Variants in SGTA observed in about 807,000 individuals in gnomAD.
SGTA encodes small glutamine rich tetratricopeptide repeat co-chaperone alpha.
Under a neutral mutation model 44.3 loss-of-function variants are expected in SGTA, and 22 were observed. The observed-to-expected ratio is 0.50, with a 90% CI of 0.36 to 0.71. The LOEUF (loss-of-function observed/expected upper bound fraction) is 0.71. Ranked by LOEUF, SGTA falls within the 30% of genes least tolerant of loss-of-function variation. The pLI, the probability that SGTA is intolerant of heterozygous loss-of-function variation, is 0.00. For synonymous variants in SGTA, 174 were observed against 177.6 expected (o/e 0.98, Z 0.16); for missense variants, 341 against 435.9 (o/e 0.78, Z 1.94).
At chr19:2,780,543 T>C (rs1490786552) in intron 1 of SGTA, among the ~76,000 whole-genome samples, 2 of 152,102 alleles carry the variant, frequency 1.3e-5, no homozygotes, top group Admixed American at 1.3e-4. Flanking sequence ...CAAACTCAAG[T>C]GCTCACCTCC....
rs113406295 is a variant in SGTA at position 2,761,759 on chromosome 19, A to G, written c.637-237T>C. Among the ~76,000 whole-genome samples, 16 of 144,284 alleles carry G rather than the reference A, an allele frequency of 1.1e-4. No individual in the cohort carries two copies. Among genetic ancestry groups the G allele is most frequent in the African/African-American group, 3.7e-4 (14 of 37,974 alleles). The allele number at this position is 144,284 out of a possible 152,430, so 94.7% of individuals were successfully genotyped here. A position where few individuals can be genotyped will look rare whatever the true frequency, so the allele number is the denominator to read the frequency against. Reference sequence around the variant, plus strand: ...CGACCGCCCGGGGACGGCACAGTCTATCATCCCGTGTTTATTCCCCGCACA... The same window carrying G: ...CGACCGCCCGGGGACGGCACAGTCTGTCATCCCGTGTTTATTCCCCGCACA... On this transcript the variant is annotated intron_variant, in intron 7 of 11. Transcript: ENST00000221566. The surrounding 1 kb of genome is among the most constrained non-coding windows in gnomAD (Gnocchi z 5.7).
intron 5 of SGTA, among the ~76,000 whole-genome samples, chr19:2,764,675 C>T (rs1915090304): frequency 6.6e-6 from 1 of 152,176 alleles, no homozygotes; most frequent in Non-Finnish European, 1.5e-5. Context: ...CAGGTTCAAA[C>T]CATCCTCATA....
Position 2,767,752 on chromosome 19 carries a change from G to C in SGTA, c.101-66C>G, listed in dbSNP as rs192923015. 335 of 1,284,538 alleles carry C rather than the reference G, an allele frequency of 2.6e-4. 3 individuals are homozygous for C. In the African/African-American group the frequency reaches 4.1e-3, roughly 16 times the overall value. 79.6% of individuals were successfully genotyped at this position (1,284,538 alleles called of 1,614,324 possible). A position where few individuals can be genotyped will look rare whatever the true frequency, so the allele number is the denominator to read the frequency against. ...CCCCGAGGTTACGTTTTTGGGTCTA[G>C]AGGGCGGGGTTGGTGCTCATGCTTC... On this transcript the variant is annotated intron_variant, in intron 2 of 11. Transcript: ENST00000221566. This position sits in a 1 kb window ranked among gnomAD's most constrained non-coding sequence, Gnocchi z 7.3.
In SGTA at chr19:2,768,993, A is replaced by T. The variant is rs775955288; in HGVS notation, c.76T>A (p.Ser26Thr). The T allele has an allele frequency of 1.9e-6, 3 of 1,613,686 alleles. No individual in the cohort carries two copies. The South Asian group carries it at 3.3e-5, about 18-fold the overall frequency. ...HDQLRHGGLS[S>T]DAQESLEVAI... ...CCTTCCAAGCTCTCCTGAGCATCGGACGAGAGGCCCCCGTGCCGGAGCTGG... is the reference window on the plus strand; with the variant it reads ...CCTTCCAAGCTCTCCTGAGCATCGGTCGAGAGGCCCCCGTGCCGGAGCTGG... Residue 26 changes from serine (S) to threonine (T), a missense_variant, in exon 2 of 12, where the codon TCC becomes ACC. Ser to Thr is a moderately conservative substitution (Grantham distance 58). Coordinates refer to ENST00000221566, the MANE Select transcript of SGTA (RefSeq NM_003021.4).
rs775188983 is a variant in SGTA, at chr19:2,767,731, G to A, written c.101-45C>T. ...GGTCCCATTCATTGCACGCAGCCCC[G>A]AGGTTACGTTTTTGGGTCTAGAGGG... On this transcript the variant is annotated intron_variant, in intron 2 of 11. Transcript: ENST00000221566. This position sits in a 1 kb window ranked among gnomAD's most constrained non-coding sequence, Gnocchi z 7.3. 14 of 1,507,574 alleles carry A rather than the reference G, an allele frequency of 9.3e-6. No individual in the cohort carries two copies. The highest frequency in any genetic ancestry group is 4.5e-5 in the East Asian group (2 of 44,272). The allele number at this position is 1,507,574 out of a possible 1,614,324, so 93.4% of individuals were successfully genotyped here.
intron 7 of SGTA, 52 bp downstream of exon 7, chr19:2,762,454 A>G (rs1279969454): frequency 1.3e-6 from 2 of 1,597,078 alleles, no homozygotes; most frequent in African/African-American, 2.7e-5. Flanking sequence ...CCTGTCCCCC[A>G]CCCACACAGT....
At chr19:2,774,189 C>A (rs1915388092) in intron 1 of SGTA, among the ~76,000 whole-genome samples, 1 of 152,218 alleles carries the variant, frequency 6.6e-6, no homozygotes, top group Non-Finnish European at 1.5e-5. Flanking sequence ...GGCAAGCAGG[C>A]ATCTCAGGAC....
chr19:2,767,409 G>A lies in SGTA; in HGVS notation c.207+171C>T, dbSNP rs983711302. On this transcript the variant is annotated intron_variant, in intron 3 of 11. Coordinates refer to ENST00000221566, the MANE Select transcript of SGTA (RefSeq NM_003021.4). This position sits in a 1 kb window ranked among gnomAD's most constrained non-coding sequence, Gnocchi z 7.3. ...CACAGCGCTATGTGTCTCAGGACCC[G>A]CCGATAGGGGGAGGAGGGCCAAGTG... 4.6e-5 allele frequency among the ~76,000 whole-genome samples: 7 copies of A among 152,172 alleles called. No homozygotes were observed. The highest frequency in any genetic ancestry group is 8.8e-5 in the Non-Finnish European group (6 of 68,008).
At chr19:2,779,258 C>A (rs140037622) in intron 1 of SGTA, among the ~76,000 whole-genome samples, 1 of 152,088 alleles carries the variant, frequency 6.6e-6, no homozygotes, top group African/African-American at 2.4e-5. Flanking sequence ...TTCAGAACTG[C>A]GGGTCCACGG....
intron 1 of SGTA, among the ~76,000 whole-genome samples, chr19:2,776,262 T>G (rs1480849941): frequency 3.3e-5 from 5 of 152,232 alleles, no homozygotes; most frequent in African/African-American, 9.6e-5. Context: ...TAAGCACGTT[T>G]TGACAACAGC....
At chr19:2,780,069 C>T (rs1915537089) in intron 1 of SGTA, among the ~76,000 whole-genome samples, 1 of 152,066 alleles carries the variant, frequency 6.6e-6, no homozygotes, top group Non-Finnish European at 1.5e-5. Context: ...GCCTGGGTGA[C>T]AAAGTGAGAC....
At chr19:2,772,178 C>A (rs1188953913) in intron 1 of SGTA, among the ~76,000 whole-genome samples, 1 of 152,218 alleles carries the variant, frequency 6.6e-6, no homozygotes, top group African/African-American at 2.4e-5. Flanking sequence ...AGGAGAAGCA[C>A]AGGTTTGAGA....
rs1018837903 is a variant in SGTA at position 2,763,982 on chromosome 19, G to C, written c.393-225C>G. Among the ~76,000 whole-genome samples the C allele has an allele frequency of 1.3e-5, 2 of 152,180 alleles. No homozygotes were observed. Among genetic ancestry groups the C allele is most frequent in the South Asian group, 4.1e-4 (2 of 4,828 alleles). Reference sequence around the variant, plus strand: ...AGCACCAGCAGCCACTCAGGACTGCGACTCTGAATTTTATTTGCAAAAAAT... The same window carrying C: ...AGCACCAGCAGCCACTCAGGACTGCCACTCTGAATTTTATTTGCAAAAAAT... On this transcript the variant is annotated intron_variant, in intron 5 of 11. Coordinates refer to ENST00000221566, the MANE Select transcript of SGTA (RefSeq NM_003021.4). This position sits in a 1 kb window ranked among gnomAD's most constrained non-coding sequence, Gnocchi z 5.8.
intron 1 of SGTA, 135 bp from the exon 2 acceptor site, chr19:2,769,226 A>G: frequency 1.7e-6 from 1 of 605,522 alleles, no homozygotes. Context: ...CCAGGTAGAA[A>G]GGCCTTAATA....
chr19:2,782,342 G>T (rs552104614), intron 1 of SGTA, among the ~76,000 whole-genome samples: 1 of 152,166 alleles, frequency 6.6e-6, no homozygotes, highest in African/African-American at 2.4e-5. Context: ...AGAAACAAAA[G>T]AAAATGGGAC....
At chr19:2,775,874 A>G (rs1382307036) in intron 1 of SGTA, among the ~76,000 whole-genome samples, 2 of 152,232 alleles carry the variant, frequency 1.3e-5, no homozygotes, top group East Asian at 3.8e-4. Flanking sequence ...GGAGAAATCT[A>G]CAAGAGCTGT....
chr19:2,774,367 AC>A (rs1308537255), intron 1 of SGTA, among the ~76,000 whole-genome samples: 1 of 152,200 alleles, frequency 6.6e-6, no homozygotes, highest in African/African-American at 2.4e-5. Context: ...TGGCCGAGGG[AC>A]ACGGAGGGAG....
intron 1 of SGTA, among the ~76,000 whole-genome samples, chr19:2,777,236 A>T (rs1285324824): frequency 6.7e-6 from 1 of 148,612 alleles, no homozygotes; most frequent in East Asian, 2.0e-4. Context: ...GGGCAATAAG[A>T]GCAAAACTCC....
chr19:2,781,707 C>G (rs2144746139), intron 1 of SGTA, among the ~76,000 whole-genome samples: 1 of 152,242 alleles, frequency 6.6e-6, no homozygotes, highest in Non-Finnish European at 1.5e-5. Flanking sequence ...GGCAGTCTGA[C>G]TTGAGAAGCT....
Sources: gnomAD v4.1 joint callset for allele counts (sites outside exome capture counted in the v4.1 genomes callset) on GRCh38, gnomAD v4.1.1 for gene constraint, Gnocchi (gnomAD v3.1) non-coding constraint, MANE v1.5 for transcripts, NCBI Gene and HGNC (gene_info 2026-07-23, HGNC 2026-07-21) for gene names.